SAMM50: variants seen among roughly 807,000 people sequenced by gnomAD.
SAMM50 encodes the protein SAMM50 sorting and assembly machinery component.
A neutral mutation model predicts 66.9 loss-of-function variants in SAMM50; 47 were observed. The ratio of observed to expected loss-of-function variants is 0.70; its 90% CI spans 0.56 to 0.90. The LOEUF (loss-of-function observed/expected upper bound fraction) is 0.90. SAMM50 is among the 40% of genes least tolerant of loss of function. The pLI, the probability that SAMM50 is intolerant of heterozygous loss-of-function variation, is 0.00. For missense variants in SAMM50, 535 were observed against 595.3 expected (o/e 0.90, Z 1.05); for synonymous variants, 191 against 214.1 (o/e 0.89, Z 0.94).
chr22:43,992,401 G>A (rs17580791), intron 14 of SAMM50, among the ~76,000 whole-genome samples: 1 of 152,232 alleles, frequency 6.6e-6, no homozygotes, highest in African/African-American at 2.4e-5. Context: ...CCAGGCTGCT[G>A]CGGCTCCCTA....
chr22:43,990,193 C>T, intron 13 of SAMM50, 72 bp from the exon 14 acceptor site: 6 of 1,585,886 alleles, frequency 3.8e-6, no homozygotes, highest in Non-Finnish European at 5.2e-6. Context: ...GGAGCCAGGG[C>T]TTGTCTGGGA....
rs756388142 is a variant in SAMM50 at position 43,972,875 on chromosome 22, T to G, written c.434T>G (p.Leu145Arg). 1 of 1,592,698 alleles carries G rather than the reference T, an allele frequency of 6.3e-7. No homozygotes were observed. The highest frequency in any genetic ancestry group is 8.5e-7 in the Non-Finnish European group (1 of 1,174,936). The stretch of plus-strand genomic sequence containing the variant: ...TTTTTTTTTTTCCCCTCCTAGGTAC[T>G]TGGCCTCAAGCTTCCTAATCTTCTT... Reference protein sequence around the residue: ...MVGNNEGSMVLGLKLPNLLGR... With the variant: ...MVGNNEGSMVRGLKLPNLLGR... The change falls in exon 6 of 15, where the codon CTT becomes CGT. Residue 145 changes from leucine to arginine, a missense_variant. Leu to Arg is a moderately radical substitution (Grantham distance 102, BLOSUM62 -2). Transcript: ENST00000350028.
chr22:43,996,218 A>AG (rs2050353403), intron 14 of SAMM50, 120 bp from the exon 15 acceptor site: 1 of 1,066,454 alleles, frequency 9.4e-7, no homozygotes, highest in Admixed American at 1.7e-5. Context: ...CCAGGCAGGA[A>AG]GGCAGCAGGA....
intron 3 of SAMM50, among the ~76,000 whole-genome samples, chr22:43,966,927 G>C (rs1306130392): frequency 3.3e-5 from 5 of 152,006 alleles, no homozygotes; most frequent in Non-Finnish European, 7.4e-5. Context: ...GCATATTGAA[G>C]AAATGATCGC....
chr22:43,968,692 G>A lies in SAMM50; in HGVS notation c.235-39G>A, dbSNP rs754720114. On this transcript the variant is annotated intron_variant, in intron 3 of 14. Coordinates refer to ENST00000350028, the MANE Select transcript of SAMM50 (RefSeq NM_015380.5). ...TGCCATTTGCTGTTTCTGTATCGTA[G>A]AAGAATATATTCCTTGTTTTTCTTC... 1.4e-5 allele frequency: 20 copies of A among 1,399,260 alleles called. No individual in the cohort carries two copies. In the Admixed American group the frequency reaches 3.0e-4, roughly 21 times the overall value. 86.7% of individuals were successfully genotyped at this position (1,399,260 alleles called of 1,614,324 possible).
intron 1 of SAMM50, among the ~76,000 whole-genome samples, chr22:43,958,282 C>A (rs1348326830): frequency 1.3e-5 from 2 of 152,144 alleles, no homozygotes; most frequent in Non-Finnish European, 2.9e-5. Context: ...GCATTTTCGT[C>A]TTATCCTTTG....
chr22:43,993,180 C>T (rs2050334394), intron 14 of SAMM50, among the ~76,000 whole-genome samples: 1 of 152,190 alleles, frequency 6.6e-6, no homozygotes, highest in African/African-American at 2.4e-5. Context: ...TGGTTGACTG[C>T]AGGCCCGGGG....
At chr22:43,979,520 C>T (rs753169926) in intron 10 of SAMM50, among the ~76,000 whole-genome samples, 11 of 152,206 alleles carry the variant, frequency 7.2e-5, no homozygotes, top group African/African-American at 1.9e-4. Context: ...ACTGCTCATC[C>T]GCACTGAACC....
rs150823604 is a variant in SAMM50, at chr22:43,981,444, G to A, written c.990G>A (p.Pro330=). The change falls in exon 11 of 15, where the codon CCG becomes CCA. Residue 330 remains proline (P), a synonymous_variant. Coordinates refer to ENST00000350028, the MANE Select transcript of SAMM50 (RefSeq NM_015380.5). The part of the protein sequence containing the change: ...GGMLVPIGDK[P]SSIADRFYLG... ...TGTTGGTACCCATTGGTGATAAGCC[G>A]TCAAGCATTGCTGATAGGTAAGTAC... 24 of 1,612,456 alleles carry A rather than the reference G, an allele frequency of 1.5e-5. No individual in the cohort carries two copies. The highest frequency in any genetic ancestry group is 1.2e-4 in the African/African-American group (9 of 74,884).
chr22:43,972,848 A>ATTTTTTTTTTTTTTTTTTT, intron 5 of SAMM50, 23 bp from the exon 6 acceptor site: 1 of 1,361,424 alleles, frequency 7.3e-7, no homozygotes, highest in African/African-American at 1.5e-5. Context: ...GACCACTGCT[A>ATTTTTTTTTTTTTTTTTTT]TTTTTTTTTT....
In SAMM50 at chr22:43,984,012, C is replaced by G; in HGVS notation, c.1075+12C>G. Reference sequence around the variant, plus strand: ...GCCACAGAGCGAAGGTCTGTCCTTTCCCCTCACGGCGCCAAGTCTAGAAGG... The same window carrying G: ...GCCACAGAGCGAAGGTCTGTCCTTTGCCCTCACGGCGCCAAGTCTAGAAGG... On this transcript the variant is annotated intron_variant, in intron 12 of 14. Transcript: ENST00000350028. 1 of 1,606,176 alleles carries G rather than the reference C, an allele frequency of 6.2e-7. No individual in the cohort carries two copies. The highest frequency in any genetic ancestry group is 8.5e-7 in the Non-Finnish European group (1 of 1,176,638).
chr22:43,992,301 C>T (rs1368843889), intron 14 of SAMM50, among the ~76,000 whole-genome samples: 8 of 152,234 alleles, frequency 5.3e-5, no homozygotes, highest in Admixed American at 2.6e-4. Context: ...AGGTCCTTTA[C>T]GGTTATTGCT....
intron 11 of SAMM50, among the ~76,000 whole-genome samples, chr22:43,982,981 C>T (rs1250920916): frequency 6.6e-6 from 1 of 152,198 alleles, no homozygotes; most frequent in Middle Eastern, 3.2e-3. Flanking sequence ...TTTTGCAATT[C>T]ATGTTAATGG....
chr22:43,956,714 G>A (rs573660706), intron 1 of SAMM50, among the ~76,000 whole-genome samples: 1 of 152,246 alleles, frequency 6.6e-6, no homozygotes, highest in African/African-American at 2.4e-5. Flanking sequence ...AAGAGTGAAG[G>A]GTGAAGTTAT....
chr22:43,955,873 T>C (rs1479098538), intron 1 of SAMM50, among the ~76,000 whole-genome samples: 2 of 152,230 alleles, frequency 1.3e-5, no homozygotes, highest in Non-Finnish European at 2.9e-5. Context: ...TGTGATGTCT[T>C]AGACCGCAGT....
rs1195091083 is a variant in SAMM50 at position 43,955,558 on chromosome 22, C to A, written c.-20C>A. On this transcript the variant is annotated 5_prime_UTR_variant, in exon 1 of 15. Transcript: ENST00000350028. ...GTCCCGCCCGGGCAGCTCTGCGAGG[C>A]AGCGGCTGGAGAGGGAACCATGGGG... is the stretch of plus-strand genomic sequence containing the variant. 22 of 1,599,322 alleles carry A rather than the reference C, an allele frequency of 1.4e-5. No homozygotes were observed. Among genetic ancestry groups the A allele is most frequent in the Non-Finnish European group, 1.9e-5 (22 of 1,173,944 alleles).
chr22:43,989,284 A>G, intron 13 of SAMM50, 27 bp downstream of exon 13: 1 of 1,610,872 alleles, frequency 6.2e-7, no homozygotes, highest in African/African-American at 1.3e-5. Context: ...TCAAGAAACC[A>G]TTGTAGTACA....
chr22:43,992,064 T>C (rs16991298), intron 14 of SAMM50, among the ~76,000 whole-genome samples: 2,483 of 152,352 alleles, frequency 0.016, 67 homozygotes, highest in African/African-American at 0.056. Flanking sequence ...GTTTTTTCTC[T>C]TCATTTTTGT....
At chr22:43,967,664 T>C (rs2050180238) in intron 3 of SAMM50, among the ~76,000 whole-genome samples, 1 of 152,222 alleles carries the variant, frequency 6.6e-6, no homozygotes, top group Non-Finnish European at 1.5e-5. Flanking sequence ...CGCATTCGTC[T>C]GTGTGATCCG....
Sources: gnomAD v4.1 joint callset for allele counts (sites outside exome capture counted in the v4.1 genomes callset) on GRCh38, gnomAD v4.1.1 for gene constraint, MANE v1.5 for transcripts, NCBI Gene and HGNC (gene_info 2026-07-23, HGNC 2026-07-21) for gene names.